NEGR1: variants seen among roughly 807,000 people sequenced by gnomAD.
NEGR1 encodes IgLON family member 4.
Under a neutral mutation model 40.9 loss-of-function variants are expected in NEGR1, and 10 were observed. The observed-to-expected ratio is 0.24, with a 90% CI of 0.15 to 0.42. The LOEUF is 0.42. Among genes scored for constraint, NEGR1 ranks in the 10% least tolerant of loss-of-function variants. The pLI is 1.00. For synonymous variants in NEGR1, 185 were observed against 166.8 expected (o/e 1.11, Z -0.84); for missense variants, 352 against 438.9 (o/e 0.80, Z 1.77).
chr1:71,834,570 C>CT (rs1160391049), intron 2 of NEGR1, among the ~76,000 whole-genome samples: 1 of 150,242 alleles, frequency 6.7e-6, no homozygotes, highest in Non-Finnish European at 1.5e-5. Context: ...GGATATTATA[C>CT]TTTCAGAATC....
intron 6 of NEGR1, among the ~76,000 whole-genome samples, chr1:71,520,671 G>C (rs1226406501): frequency 6.6e-6 from 1 of 151,982 alleles, no homozygotes; most frequent in African/African-American, 2.4e-5. Context: ...TCCCAAATAA[G>C]TAGTACCTCA....
At chr1:72,265,263 A>G (rs866453161) in intron 1 of NEGR1, among the ~76,000 whole-genome samples, 1 of 151,028 alleles carries the variant, frequency 6.6e-6, no homozygotes, top group Admixed American at 6.6e-5. Context: ...TTCAAAATTT[A>G]TAATAGATTG....
chr1:71,737,603 GA>G (rs1655080660), intron 3 of NEGR1, among the ~76,000 whole-genome samples: 1 of 151,878 alleles, frequency 6.6e-6, no homozygotes, highest in African/African-American at 2.4e-5. Context: ...ATTTTATTTT[GA>G]TTTACTATTA....
chr1:72,074,454 G>T (rs1647629010), intron 1 of NEGR1, among the ~76,000 whole-genome samples: 1 of 151,804 alleles, frequency 6.6e-6, no homozygotes, highest in Non-Finnish European at 1.5e-5. Context: ...AGGAAAAAAT[G>T]TGTATCTCTG....
intron 1 of NEGR1, among the ~76,000 whole-genome samples, chr1:72,103,875 G>A (rs1035586117): frequency 6.6e-6 from 1 of 152,066 alleles, no homozygotes; most frequent in Non-Finnish European, 1.5e-5. Flanking sequence ...GGATCGAGTA[G>A]ATTATTATAG....
chr1:72,137,143 T>C (rs1650498646), intron 1 of NEGR1, among the ~76,000 whole-genome samples: 1 of 152,116 alleles, frequency 6.6e-6, no homozygotes, highest in African/African-American at 2.4e-5. Flanking sequence ...TTTACACTCA[T>C]TATGGGAGTG....
At chr1:71,519,763 AG>A (rs1403939529) in intron 6 of NEGR1, among the ~76,000 whole-genome samples, 1 of 151,744 alleles carries the variant, frequency 6.6e-6, no homozygotes, top group Non-Finnish European at 1.5e-5. Flanking sequence ...AAACAAAAAA[AG>A]ATCACACAGC....
At chr1:72,143,894 AT>A (rs72123171) in intron 1 of NEGR1, among the ~76,000 whole-genome samples, 1,527 of 96,418 alleles carry the variant, frequency 0.016, 32 homozygotes, top group African/African-American at 0.061. Flanking sequence ...ATATATATAT[AT>A]TATATATATG....
chr1:71,779,180 C>T (rs945892044), intron 2 of NEGR1, among the ~76,000 whole-genome samples: 2 of 152,144 alleles, frequency 1.3e-5, no homozygotes, highest in South Asian at 4.1e-4. Context: ...CTTACATGCA[C>T]GGTGGCTTGT....
chr1:71,641,254 T>C (rs1199726636), intron 4 of NEGR1, among the ~76,000 whole-genome samples: 1 of 152,076 alleles, frequency 6.6e-6, no homozygotes, highest in African/African-American at 2.4e-5. Flanking sequence ...AAAACCACTG[T>C]TCACTGACAG....
intron 1 of NEGR1, among the ~76,000 whole-genome samples, chr1:72,097,369 A>C (rs1012289353): frequency 6.6e-6 from 1 of 152,284 alleles, no homozygotes; most frequent in Non-Finnish European, 1.5e-5. Context: ...TATTGTTGTC[A>C]ATCTATCCAG....
chr1:72,128,113 A>G lies in NEGR1; in HGVS notation c.176+154206T>C, dbSNP rs370789894. On this transcript the variant is annotated intron_variant, in intron 1 of 6. Transcript: ENST00000357731. ...CCTTAAAATTATCTGGATAAAAATC[A>G]TATTGCCTTTGATGACCACAGTAAG... Among the ~76,000 whole-genome samples the G allele has an allele frequency of 2.0e-5, 3 of 152,166 alleles. No homozygotes were observed. In the South Asian group the frequency reaches 6.2e-4, roughly 32 times the overall value.
At chr1:71,454,901 A>C (rs1251367846) in intron 6 of NEGR1, among the ~76,000 whole-genome samples, 4 of 152,086 alleles carry the variant, frequency 2.6e-5, no homozygotes, top group Non-Finnish European at 5.9e-5. Context: ...ATTTTTTCCC[A>C]CTCATAACTT....
In NEGR1 at chr1:71,407,311, T is replaced by G. The variant is rs533467819; in HGVS notation, c.*135A>C. 1 of 692,072 alleles carries G rather than the reference T, an allele frequency of 1.4e-6. No homozygotes were observed. Among genetic ancestry groups the G allele is most frequent in the South Asian group, 2.1e-5 (1 of 47,370 alleles). The allele number at this position is 692,072 out of a possible 1,614,324, so 42.9% of individuals were successfully genotyped here. On this transcript the variant is annotated 3_prime_UTR_variant, in exon 7 of 7. Coordinates refer to ENST00000357731, the MANE Select transcript of NEGR1 (RefSeq NM_173808.3). Reference sequence around the variant, plus strand: ...ATTAAAGTATTTACATAATGAGCAATTCTACAGAAGGCGATCATCCCCATG... The same window carrying G: ...ATTAAAGTATTTACATAATGAGCAAGTCTACAGAAGGCGATCATCCCCATG...
intron 2 of NEGR1, among the ~76,000 whole-genome samples, chr1:71,902,230 T>A (rs952086899): frequency 2.0e-5 from 3 of 152,162 alleles, no homozygotes; most frequent in African/African-American, 4.8e-5. Context: ...ACTGTCTCTG[T>A]TTATTCACTA....
At chr1:71,482,702 A>G (rs1646862048) in intron 6 of NEGR1, among the ~76,000 whole-genome samples, 1 of 151,884 alleles carries the variant, frequency 6.6e-6, no homozygotes, top group Non-Finnish European at 1.5e-5. Flanking sequence ...GGCAAATAGA[A>G]GTTATTTTTA....
At chr1:71,452,306 G>T (rs1646634821) in intron 6 of NEGR1, among the ~76,000 whole-genome samples, 1 of 152,056 alleles carries the variant, frequency 6.6e-6, no homozygotes, top group Non-Finnish European at 1.5e-5. Context: ...ATATCTTAGG[G>T]GTTTTCTTTT....
At chr1:71,638,736 A>G (rs1318454038) in intron 4 of NEGR1, among the ~76,000 whole-genome samples, 1 of 152,026 alleles carries the variant, frequency 6.6e-6, no homozygotes, top group Non-Finnish European at 1.5e-5. Context: ...CTTTGCATTT[A>G]ATAACCTTTT....
chr1:71,750,971 T>C (rs1045324513), intron 3 of NEGR1, among the ~76,000 whole-genome samples: 3 of 152,146 alleles, frequency 2.0e-5, no homozygotes, highest in African/African-American at 7.2e-5. Context: ...TTTACAGAAT[T>C]GAAGGACTTT....
Sources: gnomAD v4.1 joint callset for allele counts (sites outside exome capture counted in the v4.1 genomes callset) on GRCh38, gnomAD v4.1.1 for gene constraint, MANE v1.5 for transcripts, NCBI Gene and HGNC (gene_info 2026-07-23, HGNC 2026-07-21) for gene names.